The following HSD3B1 variants were observed in gnomAD, a reference collection of about 807,000 sequenced individuals.
The protein encoded by HSD3B1 is hydroxy-delta-5-steroid dehydrogenase, 3 beta- and steroid delta-isomerase 1.
A neutral mutation model predicts 10.4 loss-of-function variants in HSD3B1; 11 were observed. The observed-to-expected ratio is 1.05, with a 90% confidence interval of 0.66 to 1.75. HSD3B1 has a LOEUF of 1.75. Among genes scored for constraint, HSD3B1 ranks in the 40% most tolerant of loss-of-function variants. HSD3B1 has a pLI of 0.00. For synonymous variants in HSD3B1, 217 were observed against 185.4 expected (o/e 1.17, Z -1.39); for missense variants, 490 against 454.5 (o/e 1.08, Z -0.71).
intron 2 of HSD3B1, among the ~76,000 whole-genome samples, chr1:119,510,434 A>G (rs1171302274): frequency 2.0e-5 from 3 of 152,110 alleles, no homozygotes; most frequent in African/African-American, 4.8e-5. Flanking sequence ...GGGTGATTTT[A>G]TCTTCTCCTT....
rs1437709455 is a variant in HSD3B1, at chr1:119,514,741, C to T, written c.*96C>T. The T allele has an allele frequency of 5.1e-6, 7 of 1,368,898 alleles. No homozygotes were observed. The highest frequency in any genetic ancestry group is 7.1e-6 in the Non-Finnish European group (7 of 979,766). The allele number at this position is 1,368,898 out of a possible 1,614,324, so 84.8% of individuals were successfully genotyped here. ...ATACAGAAAGTGACAAGGGCACAAGCTCAGGTCCTGCTGCCTCCCTTTCAT... is the reference window on the plus strand; with the variant it reads ...ATACAGAAAGTGACAAGGGCACAAGTTCAGGTCCTGCTGCCTCCCTTTCAT... On this transcript the variant is annotated 3_prime_UTR_variant, in exon 4 of 4. Transcript: ENST00000369413.
rs1477758187 is a variant in HSD3B1 at position 119,514,268 on chromosome 1, A to T, written c.745A>T (p.Ile249Phe). 6 of 1,614,148 alleles carry T rather than the reference A, an allele frequency of 3.7e-6. No individual in the cohort carries two copies. In the South Asian group the frequency reaches 4.4e-5, roughly 12 times the overall value. Residue 249 changes from isoleucine (I) to phenylalanine (F), a missense_variant, in exon 4 of 4, where the codon ATC becomes TTC. Physicochemically the swap from Ile to Phe is conservative, Grantham distance 21. Transcript: ENST00000369413. ...ALQDPKKAPS[I>F]RGQFYYISDD... Reference sequence around the variant, plus strand: ...GCAGGACCCCAAGAAGGCCCCAAGCATCCGAGGACAGTTCTACTATATCTC... The same window carrying T: ...GCAGGACCCCAAGAAGGCCCCAAGCTTCCGAGGACAGTTCTACTATATCTC...
Position 119,514,656 on chromosome 1 carries a change from A to G in HSD3B1, c.*11A>G, listed in dbSNP as rs764543465. ...TCCAAGACTCAGTGATTTAAGGATGACAGAGATGTGCATGTGGGTATTGTT... is the reference window on the plus strand; with the variant it reads ...TCCAAGACTCAGTGATTTAAGGATGGCAGAGATGTGCATGTGGGTATTGTT... On this transcript the variant is annotated 3_prime_UTR_variant, in exon 4 of 4. Transcript: ENST00000369413. 6.8e-6 allele frequency: 11 copies of G among 1,612,902 alleles called. No homozygotes were observed. The highest frequency in any genetic ancestry group is 3.4e-4 in the Middle Eastern group (2 of 5,928).
At chr1:119,508,031 C>A in intron 2 of HSD3B1, 1 of 177,718 alleles carries the variant, frequency 5.6e-6, no homozygotes, top group Non-Finnish European at 1.2e-5. Context: ...CTCTCTAGAA[C>A]GTGCCAGGCT....
In HSD3B1 at chr1:119,511,642, G is replaced by T. The variant is rs745427315; in HGVS notation, c.285G>T (p.Glu95Asp). Residue 95 changes from glutamate to aspartate, a missense_variant, in exon 3 of 4, where the codon GAG becomes GAT. Coordinates refer to ENST00000369413, the MANE Select transcript of HSD3B1 (RefSeq NM_000862.3). ...IIDVFGVTHR[E>D]SIMNVNVKGT... Reference sequence around the variant, plus strand: ...ATGTCTTCGGTGTCACTCACAGAGAGTCTATCATGAATGTCAATGTGAAAG... The same window carrying T: ...ATGTCTTCGGTGTCACTCACAGAGATTCTATCATGAATGTCAATGTGAAAG... 2 of 1,613,784 alleles carry T rather than the reference G, an allele frequency of 1.2e-6. No individual in the cohort carries two copies. The highest frequency in any genetic ancestry group is 1.1e-5 in the South Asian group (1 of 91,072).
At position 119,514,966 on chromosome 1, in the gene HSD3B1, T is replaced by G. The variant is rs1353647309; in HGVS notation, c.*321T>G. On this transcript the variant is annotated 3_prime_UTR_variant, in exon 4 of 4. Coordinates refer to ENST00000369413, the MANE Select transcript of HSD3B1 (RefSeq NM_000862.3). ...TTGACTACTAGAGCTCCATTTCTAC[T>G]CTTAAATGAGAAAGGATTTCCTTTC... The G allele has an allele frequency of 3.1e-6, 1 of 327,838 alleles. No individual in the cohort carries two copies. The highest frequency in any genetic ancestry group is 5.6e-6 in the Non-Finnish European group (1 of 179,596). The allele number at this position is 327,838 out of a possible 1,614,324, so 20.3% of individuals were successfully genotyped here.
intron 2 of HSD3B1, among the ~76,000 whole-genome samples, chr1:119,510,257 A>G (rs1278358981): frequency 6.6e-6 from 1 of 152,180 alleles, no homozygotes; most frequent in Non-Finnish European, 1.5e-5. Context: ...CTCCAGCTAG[A>G]CAGCTGCGAT....
At chr1:119,507,302 G>A in intron 1 of HSD3B1, 40 bp downstream of exon 1, 1 of 626,542 alleles carries the variant, frequency 1.6e-6, no homozygotes, top group Non-Finnish European at 2.9e-6. Flanking sequence ...CTCCTGCAGT[G>A]GTGGGGACAC....
In HSD3B1 at chr1:119,513,908, G is replaced by T. The variant is rs1374575211; in HGVS notation, c.385G>T (p.Ala129Ser). ...CATCTACACCAGTAGCATAGAGGTA[G>T]CCGGGCCCAACTCCTACAAGGAAAT... ...VFIYTSSIEV[A>S]GPNSYKEIIQ... The change falls in exon 4 of 4, where the codon GCC (alanine) becomes TCC (serine). Residue 129 changes from alanine (A) to serine (S), a missense_variant. Ala to Ser is a moderately conservative substitution (Grantham distance 99, BLOSUM62 1). Transcript: ENST00000369413. The T allele has an allele frequency of 1.9e-6, 3 of 1,613,890 alleles. No individual in the cohort carries two copies. Among genetic ancestry groups the T allele is most frequent in the Non-Finnish European group, 2.5e-6 (3 of 1,179,992 alleles).
chr1:119,510,456 T>A (rs917303081), intron 2 of HSD3B1, among the ~76,000 whole-genome samples: 23 of 152,090 alleles, frequency 1.5e-4, no homozygotes, highest in African/African-American at 5.3e-4. Flanking sequence ...TCCTATCAGC[T>A]CAGATCCAAT....
At chr1:119,511,752 C>A in intron 3 of HSD3B1, 85 bp downstream of exon 3, 1 of 1,305,618 alleles carries the variant, frequency 7.7e-7, no homozygotes, top group Non-Finnish European at 1.1e-6. Context: ...AGTCCCTCCA[C>A]TGAACACCTG....
chr1:119,513,159 C>A (rs776368335), intron 3 of HSD3B1, among the ~76,000 whole-genome samples: 2 of 152,178 alleles, frequency 1.3e-5, no homozygotes, highest in Admixed American at 6.5e-5. Flanking sequence ...ACCAGGTAAA[C>A]AGAGTCACAG....
At chr1:119,507,747 A>G in intron 2 of HSD3B1, 126 bp downstream of exon 2, 4 of 924,214 alleles carry the variant, frequency 4.3e-6, no homozygotes, top group Non-Finnish European at 7.0e-6. Flanking sequence ...TCACATCCAA[A>G]GTCATCAAGA....
intron 2 of HSD3B1, chr1:119,507,828 T>A: frequency 1.9e-6 from 1 of 521,508 alleles, no homozygotes; most frequent in Non-Finnish European, 3.4e-6. Context: ...GACTAGATTC[T>A]GGCCCTGACC....
chr1:119,508,488 T>C (rs587631524), intron 2 of HSD3B1, among the ~76,000 whole-genome samples: 32 of 152,176 alleles, frequency 2.1e-4, no homozygotes, highest in African/African-American at 7.5e-4. Flanking sequence ...AGAAAAGGCA[T>C]CACATCCAAC....
At chr1:119,512,966 A>C (rs1476159620) in intron 3 of HSD3B1, among the ~76,000 whole-genome samples, 3 of 152,334 alleles carry the variant, frequency 2.0e-5, no homozygotes, top group South Asian at 4.1e-4. Flanking sequence ...TCCTTCTTCA[A>C]GGGAAGGCAC....
intron 2 of HSD3B1, chr1:119,507,926 A>G: frequency 3.3e-6 from 1 of 304,248 alleles, no homozygotes; most frequent in Non-Finnish European, 6.3e-6. Context: ...CTTGTCTGCA[A>G]CTCTTTTATG....
intron 2 of HSD3B1, among the ~76,000 whole-genome samples, chr1:119,509,061 A>G (rs1036442025): frequency 6.6e-6 from 1 of 152,220 alleles, no homozygotes; most frequent in African/African-American, 2.4e-5. Flanking sequence ...CAGAGAAAGC[A>G]TTCAGTGTTC....
At chr1:119,512,791 A>G (rs1185790087) in intron 3 of HSD3B1, among the ~76,000 whole-genome samples, 1 of 152,192 alleles carries the variant, frequency 6.6e-6, no homozygotes, top group Admixed American at 6.5e-5. Flanking sequence ...AATGTTGGTC[A>G]TTTCCCCCTT....
Sources: gnomAD v4.1 joint callset for allele counts (sites outside exome capture counted in the v4.1 genomes callset) on GRCh38, gnomAD v4.1.1 for gene constraint, MANE v1.5 for transcripts, NCBI Gene and HGNC (gene_info 2026-07-23, HGNC 2026-07-21) for gene names.